FOXP4: variants seen among roughly 807,000 people sequenced by gnomAD.
The protein encoded by FOXP4 is forkhead box P4.
A neutral mutation model predicts 82.6 loss-of-function variants in FOXP4; 25 were observed. The ratio of observed to expected loss-of-function variants is 0.30; its 90% CI spans 0.22 to 0.42. FOXP4 has a LOEUF of 0.42. FOXP4 is among the 10% of genes least tolerant of loss of function. FOXP4 has a pLI of 1.00. For missense variants in FOXP4, 785 were observed against 900.9 expected (o/e 0.87, Z 1.65); for synonymous variants, 415 against 388.2 (o/e 1.07, Z -0.81).
chr6:41,587,552 C>T, intron 7 of FOXP4, 40 bp downstream of exon 7: 1 of 1,489,876 alleles, frequency 6.7e-7, no homozygotes, highest in Non-Finnish European at 9.0e-7. Context: ...AAAGGCCTGC[C>T]TGGGGGTAGA....
intron 14 of FOXP4, among the ~76,000 whole-genome samples, chr6:41,596,388 T>C (rs1766834426): frequency 6.6e-6 from 1 of 152,038 alleles, no homozygotes; most frequent in Non-Finnish European, 1.5e-5. Context: ...GTCTCTGAGG[T>C]GTGGGGTGTC....
chr6:41,548,221 CTG>C (rs1763777197), intron 1 of FOXP4, among the ~76,000 whole-genome samples: 1 of 152,162 alleles, frequency 6.6e-6, no homozygotes, highest in Admixed American at 6.5e-5. Flanking sequence ...CACCGCGTGT[CTG>C]GCACCCCAAC....
Position 41,590,083 on chromosome 6 carries a change from C to A in FOXP4, c.1270C>A (p.Pro424Thr). The change falls in exon 11 of 17, where the codon CCC becomes ACC. Residue 424 changes from proline to threonine, a missense_variant. Coordinates refer to ENST00000307972, the MANE Select transcript of FOXP4 (RefSeq NM_001012426.2). Reference sequence around the variant, plus strand: ...CGCAGCCCCTGTCACCCCTCTACGGCCCCCTGGCCTGGGCTCTGCCTCCCT... The same window carrying A: ...CGCAGCCCCTGTCACCCCTCTACGGACCCCTGGCCTGGGCTCTGCCTCCCT... Reference protein sequence around the residue: ...SAAAPVTPLRPPGLGSASLHG... With the variant: ...SAAAPVTPLRTPGLGSASLHG... 6.2e-7 allele frequency: 1 copy of A among 1,613,734 alleles called. No individual in the cohort carries two copies. Among genetic ancestry groups the A allele is most frequent in the Non-Finnish European group, 8.5e-7 (1 of 1,179,902 alleles).
At chr6:41,578,222 C>A in intron 3 of FOXP4, 141 bp downstream of exon 3, 1 of 681,950 alleles carries the variant, frequency 1.5e-6, no homozygotes, top group Non-Finnish European at 2.5e-6. Flanking sequence ...GAAATACAGT[C>A]ACTGCAGGGG....
Position 41,598,844 on chromosome 6 carries a change from G to C in FOXP4, c.1951G>C (p.Gly651Arg). The change falls in exon 17 of 17, where the codon GGG becomes CGG. Residue 651 changes from glycine (G) to arginine (R), a missense_variant. Transcript: ENST00000307972. ...AGAGGCAGAGGAAGACAGGCAGCCCGGGCCTCCCCTGGGCGCCCCTAACCC... is the reference window on the plus strand; with the variant it reads ...AGAGGCAGAGGAAGACAGGCAGCCCCGGCCTCCCCTGGGCGCCCCTAACCC... Reference protein sequence around the residue: ...PAEAEEDRQPGPPLGAPNPSA... With the variant: ...PAEAEEDRQPRPPLGAPNPSA... The C allele has an allele frequency of 1.0e-5, 16 of 1,584,576 alleles. No homozygotes were observed. The highest frequency in any genetic ancestry group is 1.4e-5 in the Non-Finnish European group (16 of 1,166,780).
At chr6:41,567,321 C>T (rs927124675) in intron 2 of FOXP4, among the ~76,000 whole-genome samples, 1 of 152,200 alleles carries the variant, frequency 6.6e-6, no homozygotes, top group Non-Finnish European at 1.5e-5. Context: ...AAATCACTTT[C>T]TCTTGCCAGC....
chr6:41,557,181 A>G (rs1261859353), intron 1 of FOXP4, among the ~76,000 whole-genome samples: 1 of 152,178 alleles, frequency 6.6e-6, no homozygotes, highest in East Asian at 1.9e-4. Flanking sequence ...TTGAGTTGCA[A>G]ATGCCTTATT....
intron 7 of FOXP4, 26 bp downstream of exon 7, chr6:41,587,538 C>CA: frequency 6.6e-7 from 1 of 1,506,904 alleles, no homozygotes; most frequent in African/African-American, 1.4e-5. Flanking sequence ...CTGGGAGGGG[C>CA]ATCAAAGGCC....
At chr6:41,547,909 GC>G in intron 1 of FOXP4, among the ~76,000 whole-genome samples, 1 of 152,216 alleles carries the variant, frequency 6.6e-6, no homozygotes, top group East Asian at 1.9e-4. Flanking sequence ...TCAGAGCACA[GC>G]CAGTGGCGCT....
In FOXP4 at chr6:41,599,180, T is replaced by A; in HGVS notation, c.*244T>A. The A allele has an allele frequency of 2.5e-6, 1 of 394,168 alleles. No homozygotes were observed. The highest frequency in any genetic ancestry group is 4.5e-6 in the Non-Finnish European group (1 of 222,758). 24.4% of individuals were successfully genotyped at this position (394,168 alleles called of 1,614,324 possible). On this transcript the variant is annotated 3_prime_UTR_variant, in exon 17 of 17. Coordinates refer to ENST00000307972, the MANE Select transcript of FOXP4 (RefSeq NM_001012426.2). ...AGAGGACACGGAGGGTTCAGACCCCTCCTCAGACCCTCCCCACATCTGAAA... is the reference window on the plus strand; with the variant it reads ...AGAGGACACGGAGGGTTCAGACCCCACCTCAGACCCTCCCCACATCTGAAA...
chr6:41,561,141 T>C (rs891734200), intron 1 of FOXP4, among the ~76,000 whole-genome samples: 2 of 152,176 alleles, frequency 1.3e-5, no homozygotes, highest in African/African-American at 4.8e-5. Flanking sequence ...AGCCGCGGCT[T>C]TGACCCAGCT....
chr6:41,565,195 A>G (rs891278262), intron 1 of FOXP4, among the ~76,000 whole-genome samples: 2 of 152,078 alleles, frequency 1.3e-5, no homozygotes, highest in Non-Finnish European at 2.9e-5. Context: ...TCTACTAAAA[A>G]TACACACACA....
chr6:41,569,416 C>G (rs547457340), intron 2 of FOXP4, among the ~76,000 whole-genome samples: 2 of 152,352 alleles, frequency 1.3e-5, no homozygotes, highest in South Asian at 2.1e-4. Flanking sequence ...TGGGATGGCT[C>G]TTTTCTTCGA....
At chr6:41,580,513 T>C (rs921723969) in intron 3 of FOXP4, among the ~76,000 whole-genome samples, 7 of 152,242 alleles carry the variant, frequency 4.6e-5, no homozygotes, top group Non-Finnish European at 8.8e-5. Context: ...TGGGGGTTCT[T>C]GGGGCCATGG....
intron 4 of FOXP4, 122 bp from the exon 5 acceptor site, chr6:41,585,309 G>A: frequency 2.0e-6 from 2 of 1,017,300 alleles, no homozygotes; most frequent in Non-Finnish European, 2.9e-6. Context: ...GCTGACTGGG[G>A]AAAGCCAGAC....
rs535221744 is a variant in FOXP4 at position 41,597,909 on chromosome 6, C to T, written c.1854C>T (p.Asn618=). ...CCCCCGTGGAGCCGCTGCCCAGCAA[C>T]GGCAGCAGCAGCCCTCCTCGCCTCT... ...VGAPVEPLPS[N]GSSSPPRLSP... is the part of the protein sequence containing the mutation. The change falls in exon 16 of 17, where the codon AAC becomes AAT. Residue 618 remains asparagine, a synonymous_variant. Transcript: ENST00000307972. 1.5e-5 allele frequency: 23 copies of T among 1,582,536 alleles called. No individual in the cohort carries two copies. Among genetic ancestry groups the T allele is most frequent in the African/African-American group, 2.7e-5 (2 of 74,384 alleles).
chr6:41,574,227 G>A (rs1765351412), intron 2 of FOXP4, among the ~76,000 whole-genome samples: 1 of 152,140 alleles, frequency 6.6e-6, no homozygotes, highest in Non-Finnish European at 1.5e-5. Context: ...GCAGATTAGG[G>A]GGAAGGCAGA....
At chr6:41,594,490 T>C (rs138928561) in intron 13 of FOXP4, among the ~76,000 whole-genome samples, 1 of 152,204 alleles carries the variant, frequency 6.6e-6, no homozygotes, top group African/African-American at 2.4e-5. Flanking sequence ...GGGGCCCGAA[T>C]GTGATCTGCT....
chr6:41,553,246 G>T (rs1764097116), intron 1 of FOXP4, among the ~76,000 whole-genome samples: 1 of 151,926 alleles, frequency 6.6e-6, no homozygotes. Flanking sequence ...CCATCGACGA[G>T]ATTTCCCTTC....
Sources: allele counts gnomAD v4.1 joint callset (sites outside exome capture counted in the v4.1 genomes callset), GRCh38; gene constraint gnomAD v4.1.1; transcripts MANE v1.5; gene names NCBI Gene and HGNC (gene_info 2026-07-23, HGNC 2026-07-21).